Variants in SLC26A4 observed in about 807,000 individuals in gnomAD.
SLC26A4 encodes solute carrier family 26 member 4.
SLC26A4 carries 93 observed loss-of-function variants against 90.4 expected under a neutral mutation model. The ratio of observed to expected loss-of-function variants is 1.03; its 90% CI spans 0.87 to 1.22. The LOEUF is 1.22. Among genes scored for constraint, SLC26A4 ranks in the 50% most tolerant of loss-of-function variants. SLC26A4 has a pLI of 0.00. For missense variants in SLC26A4, 1,127 were observed against 946.2 expected (o/e 1.19, Z -2.51); for synonymous variants, 393 against 354.6 (o/e 1.11, Z -1.22).
At chr7:107,667,239 A>C (rs927634583) in intron 3 of SLC26A4, among the ~76,000 whole-genome samples, 1 of 152,014 alleles carries the variant, frequency 6.6e-6, no homozygotes, top group Non-Finnish European at 1.5e-5. Flanking sequence ...GCTAGACATA[A>C]AAATCAGGAA....
rs111033308 is a variant in SLC26A4 at position 107,695,984 on chromosome 7, G to C, written c.1489G>C (p.Gly497Arg). 1 of 1,613,018 alleles carries C rather than the reference G, an allele frequency of 6.2e-7. No homozygotes were observed. Residue 497 changes from glycine to arginine, a missense_variant, in exon 13 of 21, where the codon GGT becomes CGT. By Grantham distance (125) the Gly-to-Arg change is moderately radical. Coordinates refer to ENST00000644269, the MANE Select transcript of SLC26A4 (RefSeq NM_000441.2). Reference sequence around the variant, plus strand: ...GTCCATCATTCTGGGGCTGGATCTCGGTTTACTAGCTGGCCTTATATTTGG... The same window carrying C: ...GTCCATCATTCTGGGGCTGGATCTCCGTTTACTAGCTGGCCTTATATTTGG... ...IVSIILGLDL[G>R]LLAGLIFGLL...
At position 107,689,202 on chromosome 7, in the gene SLC26A4, T is replaced by A. The variant is rs1477577443; in HGVS notation, c.1149+2T>A. ...GATTACACCATCGATGGGAACCAGG[T>A]ATGGGTGCCCTTTTGCTGAACTGGT... On this transcript the variant is annotated splice_donor_variant, in intron 9 of 20. Transcript: ENST00000644269. LOFTEE classifies it high-confidence loss of function. 6.2e-7 allele frequency: 1 copy of A among 1,613,442 alleles called. No individual in the cohort carries two copies. The highest frequency in any genetic ancestry group is 1.7e-5 in the Admixed American group (1 of 59,984).
chr7:107,681,293 C>T (rs1448998848), intron 6 of SLC26A4, among the ~76,000 whole-genome samples: 1 of 152,092 alleles, frequency 6.6e-6, no homozygotes, highest in African/African-American at 2.4e-5. Context: ...AGGTATTTTG[C>T]ATGCATAATA....
chr7:107,671,940 A>G (rs1452569860), intron 3 of SLC26A4, among the ~76,000 whole-genome samples, 198 bp from the exon 4 acceptor site: 1 of 152,182 alleles, frequency 6.6e-6, no homozygotes, highest in East Asian at 1.9e-4. Context: ...TGAATATCTC[A>G]TGTAGTTTAC....
intron 10 of SLC26A4, chr7:107,691,868 G>C: frequency 8.2e-7 from 1 of 1,219,908 alleles, no homozygotes; most frequent in Non-Finnish European, 1.0e-6. Flanking sequence ...TGGTCAAGGG[G>C]AAGAGGTCAG....
intron 10 of SLC26A4, chr7:107,691,999 C>G: frequency 3.1e-6 from 4 of 1,289,034 alleles, no homozygotes. Flanking sequence ...TCAGCGGGTG[C>G]AGGCAAATCT....
At chr7:107,684,708 A>C (rs916730) in intron 8 of SLC26A4, among the ~76,000 whole-genome samples, 38,425 of 152,034 alleles carry the variant, frequency 0.25, 5,028 homozygotes, top group South Asian at 0.4. Context: ...TCAGGAATTA[A>C]TATTTTTCAA....
chr7:107,692,223 C>T lies in SLC26A4; in HGVS notation c.1263+1986C>T, dbSNP rs183768335. ...AGGATTTCAGCATTAAAGAATGAAA[C>T]GAGTAAAGAAATGGCTTCATGTTTA... On this transcript the variant is annotated intron_variant, in intron 10 of 20. Coordinates refer to ENST00000644269, the MANE Select transcript of SLC26A4 (RefSeq NM_000441.2). 4.4e-4 allele frequency: 231 copies of T among 522,748 alleles called. 1 individual carries two copies. Among genetic ancestry groups the T allele is most frequent in the African/African-American group, 4.4e-3 (210 of 47,636 alleles). The allele number at this position is 522,748 out of a possible 1,614,324, so 32.4% of individuals were successfully genotyped here. A position where few individuals can be genotyped will look rare whatever the true frequency, so the allele number is the denominator to read the frequency against.
intron 13 of SLC26A4, among the ~76,000 whole-genome samples, chr7:107,697,711 G>A (rs1170747431): frequency 2.0e-5 from 3 of 152,202 alleles, no homozygotes; most frequent in African/African-American, 7.2e-5. Flanking sequence ...GGATAATACT[G>A]ATGACCTTTC....
intron 8 of SLC26A4, among the ~76,000 whole-genome samples, chr7:107,686,743 G>A (rs889446566): frequency 6.6e-6 from 1 of 152,088 alleles, no homozygotes; most frequent in Non-Finnish European, 1.5e-5. Flanking sequence ...GCCTCCCAAA[G>A]TGCTGGGATT....
intron 6 of SLC26A4, among the ~76,000 whole-genome samples, chr7:107,680,479 ATAT>A (rs933812188): frequency 8.9e-5 from 13 of 146,320 alleles, no homozygotes; most frequent in African/African-American, 2.7e-4. Flanking sequence ...GTATAATCTT[ATAT>A]TATTATATAA....
At chr7:107,694,945 A>G (rs926293548) in intron 12 of SLC26A4, among the ~76,000 whole-genome samples, 1 of 152,194 alleles carries the variant, frequency 6.6e-6, no homozygotes, top group Non-Finnish European at 1.5e-5. Flanking sequence ...AGAATCCCAT[A>G]TGAGGCTCAT....
chr7:107,697,917 A>T (rs746806663), intron 13 of SLC26A4, 125 bp from the exon 14 acceptor site: 8 of 711,712 alleles, frequency 1.1e-5, no homozygotes, highest in Non-Finnish European at 2.1e-5. Flanking sequence ...GGAAAATGTC[A>T]TCTGCAATAA....
intron 4 of SLC26A4, among the ~76,000 whole-genome samples, chr7:107,673,272 G>A (rs1790923367): frequency 6.6e-6 from 1 of 151,806 alleles, no homozygotes; most frequent in African/African-American, 2.4e-5. Context: ...AGTGAACGGA[G>A]CAATTGCTGA....
chr7:107,689,117 A>G lies in SLC26A4; in HGVS notation c.1066A>G (p.Ile356Val), dbSNP rs745697264. 4 of 1,613,822 alleles carry G rather than the reference A, an allele frequency of 2.5e-6. No individual in the cohort carries two copies. The highest frequency in any genetic ancestry group is 3.4e-6 in the Non-Finnish European group (4 of 1,179,878). Residue 356 changes from isoleucine to valine, a missense_variant, in exon 9 of 21, where the codon ATC becomes GTC. Coordinates refer to ENST00000644269, the MANE Select transcript of SLC26A4 (RefSeq NM_000441.2). ...GGAGATGCTGGCTGCATCATTTTCC[A>G]TCGCTGTGGTGGCTTATGCTATTGC... is the stretch of plus-strand genomic sequence containing the variant. ...FSEMLAASFS[I>V]AVVAYAIAVS...
At chr7:107,715,314 G>A (rs1792318380) in intron 20 of SLC26A4, 109 bp from the exon 21 acceptor site, 2 of 842,842 alleles carry the variant, frequency 2.4e-6, no homozygotes, top group Admixed American at 3.4e-5. Context: ...CACCTAAGAT[G>A]AGTAGCAGTA....
chr7:107,703,009 A>G (rs1180788541), intron 17 of SLC26A4, among the ~76,000 whole-genome samples: 1 of 152,200 alleles, frequency 6.6e-6, no homozygotes, highest in African/African-American at 2.4e-5. Flanking sequence ...CAGTTATGCA[A>G]GCTGAAGTTC....
In SLC26A4 at chr7:107,690,239, T is replaced by C; in HGVS notation, c.1263+2T>C. ...GAGAGCACTGGAGGAAAGACACAGG[T>C]AGGAACAACAGCCTTATGATATCCA... On this transcript the variant is annotated splice_donor_variant, in intron 10 of 20. Transcript: ENST00000644269. LOFTEE classifies it high-confidence loss of function. 6.6e-7 allele frequency: 1 copy of C among 1,524,432 alleles called. No homozygotes were observed. 94.4% of individuals were successfully genotyped at this position (1,524,432 alleles called of 1,614,324 possible).
At chr7:107,700,793 G>A (rs1791864079) in intron 15 of SLC26A4, among the ~76,000 whole-genome samples, 1 of 152,204 alleles carries the variant, frequency 6.6e-6, no homozygotes, top group Non-Finnish European at 1.5e-5. Flanking sequence ...AGGGCTCTGT[G>A]ATACCAAGGG....
Sources: allele counts gnomAD v4.1 joint callset (sites outside exome capture counted in the v4.1 genomes callset), GRCh38; gene constraint gnomAD v4.1.1; transcripts MANE v1.5; gene names NCBI Gene and HGNC (gene_info 2026-07-23, HGNC 2026-07-21).